Variants in GPC6 observed in about 807,000 individuals in gnomAD.
The protein encoded by GPC6 is glypican 6.
GPC6 carries 14 observed loss-of-function variants against 55.2 expected under a neutral mutation model. That is an observed-to-expected ratio of 0.25 (90% CI 0.17 to 0.40). GPC6 has a LOEUF of 0.40. Ranked by LOEUF, GPC6 falls within the 10% of genes least tolerant of loss-of-function variation. The pLI, the probability that GPC6 is intolerant of heterozygous loss-of-function variation, is 1.00. For missense variants in GPC6, 641 were observed against 708.5 expected, an observed-to-expected ratio of 0.90 and a Z score of 1.08; for synonymous variants, 278 against 259.6, an observed-to-expected ratio of 1.07 and a Z score of -0.68.
intron 1 of GPC6, among the ~76,000 whole-genome samples, chr13:93,484,615 AC>A (rs1266280117): frequency 6.6e-6 from 1 of 152,062 alleles, no homozygotes; most frequent in Non-Finnish European, 1.5e-5. Context: ...TTTTTGAATT[AC>A]CATTTTATTT....
chr13:93,691,797 A>C (rs1264086033), intron 2 of GPC6, among the ~76,000 whole-genome samples: 1 of 152,108 alleles, frequency 6.6e-6, no homozygotes, highest in Non-Finnish European at 1.5e-5. Context: ...AAAGGATCTT[A>C]TATGCCGTGA....
intron 1 of GPC6, among the ~76,000 whole-genome samples, chr13:93,244,910 C>T (rs1163400197): frequency 6.6e-6 from 1 of 151,498 alleles, no homozygotes; most frequent in East Asian, 1.9e-4. Flanking sequence ...ACTAACAAAG[C>T]CTCTAATCTG....
At chr13:93,363,138 A>AATTTTTTTTTTTCTTT (rs1881107259) in intron 1 of GPC6, among the ~76,000 whole-genome samples, 1 of 114,310 alleles carries the variant, frequency 8.7e-6, no homozygotes, top group Non-Finnish European at 1.9e-5. Context: ...TGTTTTTTTT[A>AATTTTTTTTTTTCTTT]AAATTATTAT....
intron 6 of GPC6, among the ~76,000 whole-genome samples, chr13:94,352,213 T>C (rs1277844712): frequency 3.3e-5 from 5 of 151,964 alleles, no homozygotes; most frequent in Non-Finnish European, 7.4e-5. Context: ...CTCAAGTCAG[T>C]GCAGGAAGAA....
chr13:94,098,600 A>C (rs1359010782), intron 4 of GPC6, among the ~76,000 whole-genome samples: 1 of 152,094 alleles, frequency 6.6e-6, no homozygotes, highest in Non-Finnish European at 1.5e-5. Flanking sequence ...GGACCATAGG[A>C]CTTCACATTG....
chr13:94,162,386 C>T (rs764499610), intron 4 of GPC6, among the ~76,000 whole-genome samples: 2 of 152,206 alleles, frequency 1.3e-5, no homozygotes, highest in Non-Finnish European at 2.9e-5. Flanking sequence ...TTAAATTGCT[C>T]CTTGAGAACC....
At chr13:94,181,140 A>G (rs946301333) in intron 4 of GPC6, among the ~76,000 whole-genome samples, 2 of 152,192 alleles carry the variant, frequency 1.3e-5, no homozygotes, top group African/African-American at 4.8e-5. Flanking sequence ...CCCTTATACC[A>G]GGTAGCCATG....
chr13:94,175,986 A>AGAGCGAGAGC (rs1555304127), intron 4 of GPC6, among the ~76,000 whole-genome samples: 6 of 131,206 alleles, frequency 4.6e-5, no homozygotes, highest in Non-Finnish European at 9.7e-5. Flanking sequence ...AGAGAGAGAG[A>AGAGCGAGAGC]GAGAGAGCGA....
chr13:93,272,661 G>C (rs1208391240), intron 1 of GPC6, among the ~76,000 whole-genome samples: 1 of 152,018 alleles, frequency 6.6e-6, no homozygotes, highest in African/African-American at 2.4e-5. Context: ...CCAACAATTT[G>C]TTCTACTCTT....
intron 6 of GPC6, among the ~76,000 whole-genome samples, chr13:94,369,526 G>A (rs1311392634): frequency 2.0e-5 from 3 of 152,180 alleles, no homozygotes; most frequent in Admixed American, 6.5e-5. Flanking sequence ...GAAAACCAAA[G>A]GGAAGGTGTT....
chr13:94,312,365 A>G (rs1048011447), intron 6 of GPC6, among the ~76,000 whole-genome samples: 1 of 152,224 alleles, frequency 6.6e-6, no homozygotes, highest in African/African-American at 2.4e-5. Context: ...AGCAGCTAAC[A>G]TTCTGGCATT....
At chr13:94,397,043 G>C (rs2139226663) in intron 7 of GPC6, among the ~76,000 whole-genome samples, 1 of 152,216 alleles carries the variant, frequency 6.6e-6, no homozygotes, top group Middle Eastern at 3.4e-3. Flanking sequence ...TGCAGTGCCT[G>C]GTAGTTATTG....
intron 6 of GPC6, among the ~76,000 whole-genome samples, chr13:94,314,437 A>G (rs1428630378): frequency 6.6e-6 from 1 of 152,252 alleles, no homozygotes; most frequent in Non-Finnish European, 1.5e-5. Flanking sequence ...CTTTGTTGTC[A>G]GTTATGAACC....
At chr13:94,061,802 A>C (rs565441269) in intron 4 of GPC6, among the ~76,000 whole-genome samples, 29 of 152,058 alleles carry the variant, frequency 1.9e-4, no homozygotes, top group African/African-American at 6.7e-4. Flanking sequence ...GGGAAAAAAA[A>C]AAAACAAAAA....
intron 1 of GPC6, among the ~76,000 whole-genome samples, chr13:93,233,906 C>T (rs1876144782): frequency 6.6e-6 from 1 of 152,170 alleles, no homozygotes; most frequent in Non-Finnish European, 1.5e-5. Flanking sequence ...AAGTTGTTCC[C>T]TTTTTCACAG....
At chr13:93,983,468 C>A (rs1182069521) in intron 3 of GPC6, among the ~76,000 whole-genome samples, 1 of 151,552 alleles carries the variant, frequency 6.6e-6, no homozygotes, top group Non-Finnish European at 1.5e-5. Context: ...TGGGGTCTTA[C>A]TCTGTTGGTC....
chr13:93,931,023 C>T (rs192643126), intron 3 of GPC6, among the ~76,000 whole-genome samples: 132 of 152,108 alleles, frequency 8.7e-4, no homozygotes, highest in African/African-American at 3.1e-3. Context: ...CTCGCAAGCG[C>T]TCACTCACTA....
intron 4 of GPC6, among the ~76,000 whole-genome samples, chr13:94,052,162 G>T (rs542027612): frequency 1.3e-5 from 2 of 152,148 alleles, no homozygotes; most frequent in Non-Finnish European, 2.9e-5. Context: ...CAAAACAGAT[G>T]AGTGTGATTA....
At chr13:94,170,702 C>CAA (rs775932987) in intron 4 of GPC6, among the ~76,000 whole-genome samples, 3 of 152,162 alleles carry the variant, frequency 2.0e-5, no homozygotes, top group Non-Finnish European at 4.4e-5. Flanking sequence ...TGAAAACTAT[C>CAA]AAAGTGTTTG....
Sources: gnomAD v4.1 joint callset for allele counts (sites outside exome capture counted in the v4.1 genomes callset) on GRCh38, gnomAD v4.1.1 for gene constraint, MANE v1.5 for transcripts, NCBI Gene and HGNC (gene_info 2026-07-23, HGNC 2026-07-21) for gene names.